RIN2: variants seen among roughly 807,000 people sequenced by gnomAD.
The protein encoded by RIN2 is RAB5 interacting protein 2.
Under a neutral mutation model 78.0 loss-of-function variants are expected in RIN2, and 36 were observed. The observed-to-expected ratio is 0.46, with a 90% CI of 0.35 to 0.61. The LOEUF (loss-of-function observed/expected upper bound fraction) is 0.61. RIN2 is among the 20% of genes least tolerant of loss of function. RIN2 has a pLI of 0.00. For synonymous variants in RIN2, 466 were observed against 466.8 expected (o/e 1.00, Z 0.02); for missense variants, 1,087 against 1,159.7 (o/e 0.94, Z 0.91).
intron 11 of RIN2, among the ~76,000 whole-genome samples, chr20:19,995,409 T>G (rs2042929082): frequency 6.6e-6 from 1 of 152,174 alleles, no homozygotes; most frequent in African/African-American, 2.4e-5. Flanking sequence ...TCTCTAAATC[T>G]AAAATATGCT....
At chr20:19,878,725 A>G (rs911848203) in intron 2 of RIN2, among the ~76,000 whole-genome samples, 4 of 152,120 alleles carry the variant, frequency 2.6e-5, no homozygotes, top group Non-Finnish European at 5.9e-5. Context: ...ACAGGCAATG[A>G]TGCTGTCTCT....
At chr20:19,869,804 A>ATTTATTTG (rs1165792087) in intron 2 of RIN2, among the ~76,000 whole-genome samples, 104 of 148,220 alleles carry the variant, frequency 7.0e-4, no homozygotes, top group Non-Finnish European at 5.5e-4. Flanking sequence ...TTATTTATTT[A>ATTTATTTG]TTTATTTATT....
At chr20:19,926,954 C>A (rs751280326) in intron 3 of RIN2, among the ~76,000 whole-genome samples, 2 of 152,216 alleles carry the variant, frequency 1.3e-5, no homozygotes, top group African/African-American at 4.8e-5. Flanking sequence ...GGGTTCCTCC[C>A]TTTTCCCTCC....
At chr20:19,965,944 T>C (rs2041924671) in intron 7 of RIN2, among the ~76,000 whole-genome samples, 1 of 152,124 alleles carries the variant, frequency 6.6e-6, no homozygotes, top group South Asian at 2.1e-4. Flanking sequence ...GTCAACAGGG[T>C]GTGCATTGTG....
intron 9 of RIN2, among the ~76,000 whole-genome samples, chr20:19,988,390 G>T (rs370152912): frequency 5.9e-5 from 9 of 152,322 alleles, no homozygotes; most frequent in African/African-American, 1.9e-4. Flanking sequence ...AAAGTGCTGG[G>T]ATTACAGTCA....
rs1213233368 is a variant in RIN2 at position 19,960,808 on chromosome 20, T to C, written c.460T>C (p.Tyr154His). The C allele has an allele frequency of 6.3e-7, 1 of 1,580,426 alleles. No individual in the cohort carries two copies. Among genetic ancestry groups the C allele is most frequent in the African/African-American group, 1.3e-5 (1 of 74,232 alleles). The change falls in exon 6 of 13, where the codon TAC (tyrosine) becomes CAC (histidine). Residue 154 changes from tyrosine (Y) to histidine (H), a missense_variant. This residue lies in a region of RIN2 where 706 missense variants were observed against 667.5 expected (regional missense o/e 1.06). Transcript: ENST00000255006. ...GGAATTTGCCATAAAGGAAAGCACA[T>C]ACAGTAAGTGGTCATTGGATGCTCA... Reference protein sequence around the residue: ...LKEFAIKESTYTFSLEGSGIS... With the variant: ...LKEFAIKESTHTFSLEGSGIS...
intron 3 of RIN2, among the ~76,000 whole-genome samples, chr20:19,892,481 G>A (rs2123523205): frequency 6.6e-6 from 1 of 152,308 alleles, no homozygotes; most frequent in South Asian, 2.1e-4. Flanking sequence ...CCAAAATGCT[G>A]GGATTACAGG....
In RIN2 at chr20:20,001,956, G is replaced by A. The variant is rs2043152654; in HGVS notation, c.*1020G>A. On this transcript the variant is annotated 3_prime_UTR_variant, in exon 13 of 13. Transcript: ENST00000255006. ...GTGATTTGCTTGTAGAAACAATTTT[G>A]AAAGCCCCTTGAGGAAAATAAAAAT... is the stretch of plus-strand genomic sequence containing the variant. 6.6e-6 allele frequency: 1 copy of A among 152,580 alleles called. No individual in the cohort carries two copies. Among genetic ancestry groups the A allele is most frequent in the Non-Finnish European group, 1.5e-5 (1 of 68,024 alleles). 9.5% of individuals were successfully genotyped at this position (152,580 alleles called of 1,614,324 possible).
At chr20:19,872,884 C>T (rs1465336190) in intron 2 of RIN2, among the ~76,000 whole-genome samples, 1 of 152,070 alleles carries the variant, frequency 6.6e-6, no homozygotes, top group Non-Finnish European at 1.5e-5. Flanking sequence ...AGCAGAAGCC[C>T]AAACTTCACC....
intron 2 of RIN2, among the ~76,000 whole-genome samples, chr20:19,800,890 CA>C (rs2035220625): frequency 6.6e-6 from 1 of 152,178 alleles, no homozygotes; most frequent in African/African-American, 2.4e-5. Flanking sequence ...TACCTAAGGC[CA>C]CACAACTATT....
In RIN2 at chr20:19,975,447, G is replaced by GC. The variant is rs772265832; in HGVS notation, c.1428dup (p.Ile477HisfsTer108). 1.2e-6 allele frequency: 2 copies of GC among 1,614,022 alleles called. No homozygotes were observed. Among genetic ancestry groups the GC allele is most frequent in the South Asian group, 2.2e-5 (2 of 91,088 alleles). ...GGGAAAGTGACCAAGAGACCATGGC[G>GC]CCCCCCATCAAGTCCAAAAAGAAAA... On this transcript the variant is annotated frameshift_variant, in exon 9 of 13. Coordinates refer to ENST00000255006, the MANE Select transcript of RIN2 (RefSeq NM_018993.4). LOFTEE classifies it high-confidence loss of function. This position sits in a 1 kb window ranked among gnomAD's most constrained non-coding sequence, Gnocchi z 4.9.
intron 2 of RIN2, among the ~76,000 whole-genome samples, chr20:19,802,693 A>G (rs1038510914): frequency 9.2e-5 from 14 of 152,082 alleles, no homozygotes; most frequent in African/African-American, 1.9e-4. Flanking sequence ...TTTAATACCA[A>G]CTGAGTGACC....
At chr20:19,769,827 C>T (rs1210333390) in intron 1 of RIN2, among the ~76,000 whole-genome samples, 2 of 152,188 alleles carry the variant, frequency 1.3e-5, no homozygotes, top group African/African-American at 4.8e-5. Context: ...CTAATTTGAA[C>T]TGCTGATATA....
At position 19,856,467 on chromosome 20, in the gene RIN2, A is replaced by G. The variant is rs116580977; in HGVS notation, c.-36-33099A>G. Among the ~76,000 whole-genome samples the G allele has an allele frequency of 1.5e-3, 231 of 151,856 alleles. 3 individuals are homozygous for G. The highest frequency in any genetic ancestry group is 5.5e-3 in the African/African-American group (228 of 41,430). On this transcript the variant is annotated intron_variant, in intron 2 of 12. Transcript: ENST00000255006. Reference sequence around the variant, plus strand: ...AGGATCGCTTGAGCCCAGGAGTTCAAGACTACAATGAGTCACGATCATGTC... The same window carrying G: ...AGGATCGCTTGAGCCCAGGAGTTCAGGACTACAATGAGTCACGATCATGTC...
intron 4 of RIN2, among the ~76,000 whole-genome samples, chr20:19,941,058 T>C (rs752066064): frequency 6.6e-6 from 1 of 152,150 alleles, no homozygotes; most frequent in Non-Finnish European, 1.5e-5. Context: ...TGGATTGCTG[T>C]GAGATGCCTG....
intron 1 of RIN2, among the ~76,000 whole-genome samples, chr20:19,763,201 A>G (rs1568729679): frequency 1.3e-5 from 2 of 152,256 alleles, no homozygotes; most frequent in South Asian, 2.1e-4. Flanking sequence ...CCTGACCAAC[A>G]TGGTGAAACC....
At chr20:19,970,302 A>G (rs1443001861) in intron 7 of RIN2, among the ~76,000 whole-genome samples, 1 of 152,224 alleles carries the variant, frequency 6.6e-6, no homozygotes, top group Non-Finnish European at 1.5e-5. Flanking sequence ...CTTCAAACAC[A>G]GGAGAACGTT....
chr20:19,994,693 C>CA (rs1435613675), intron 11 of RIN2, among the ~76,000 whole-genome samples: 2 of 152,094 alleles, frequency 1.3e-5, no homozygotes, highest in Non-Finnish European at 2.9e-5. Flanking sequence ...ACCCTCCATA[C>CA]GGCCTTTCCT....
In RIN2 at chr20:19,827,141, A is replaced by G. The variant is rs370618012; in HGVS notation, c.-37+27394A>G. Among the ~76,000 whole-genome samples, 231 of 151,922 alleles carry G rather than the reference A, an allele frequency of 1.5e-3. 3 individuals carry two copies. In the South Asian group the frequency reaches 0.045, roughly 29 times the overall value. On this transcript the variant is annotated intron_variant, in intron 2 of 12. Coordinates refer to ENST00000255006, the MANE Select transcript of RIN2 (RefSeq NM_018993.4). ...CAGGCATGTGCTACCATACCTAGCT[A>G]ATTTTTGTATTTTTAGTAGAGATGG...
Sources: allele counts gnomAD v4.1 joint callset (sites outside exome capture counted in the v4.1 genomes callset), GRCh38; gene constraint gnomAD v4.1.1; regional missense constraint gnomAD v4.1.1; non-coding constraint Gnocchi (gnomAD v3.1); transcripts MANE v1.5; gene names NCBI Gene and HGNC (gene_info 2026-07-23, HGNC 2026-07-21).